The following EXOC2 variants were observed in gnomAD, a reference collection of about 807,000 sequenced individuals.
EXOC2 encodes the protein exocyst complex component 2.
A neutral mutation model predicts 131.8 loss-of-function variants in EXOC2; 70 were observed. The observed-to-expected ratio is 0.53, with a 90% CI of 0.44 to 0.65. The LOEUF (loss-of-function observed/expected upper bound fraction) is 0.65. Among genes scored for constraint, EXOC2 ranks in the 30% least tolerant of loss-of-function variants. The pLI, the probability that EXOC2 is intolerant of heterozygous loss-of-function variation, is 0.00. For synonymous variants in EXOC2, 411 were observed against 398.4 expected (o/e 1.03, Z -0.38); for missense variants, 923 against 1,108.6 (o/e 0.83, Z 2.38).
chr6:619,343 C>G, intron 5 of EXOC2, 87 bp downstream of exon 5: 1 of 1,064,722 alleles, frequency 9.4e-7, no homozygotes, highest in South Asian at 1.4e-5. Flanking sequence ...GTATGCAGAG[C>G]CAGACCTAAA....
chr6:570,335 G>A (rs1436594986), intron 13 of EXOC2, among the ~76,000 whole-genome samples: 1 of 152,020 alleles, frequency 6.6e-6, no homozygotes, highest in Non-Finnish European at 1.5e-5. Context: ...GGGTTTCACC[G>A]TGTCAGCCAG....
chr6:556,655 C>CA, intron 17 of EXOC2, 91 bp from the exon 18 acceptor site: 1 of 1,345,914 alleles, frequency 7.4e-7, no homozygotes, highest in Non-Finnish European at 1.1e-6. Flanking sequence ...CCAAGCCCCA[C>CA]ATTTTCCAGA....
intron 23 of EXOC2, among the ~76,000 whole-genome samples, chr6:516,336 A>T (rs1030819955): frequency 6.6e-6 from 1 of 152,168 alleles, no homozygotes; most frequent in African/African-American, 2.4e-5. Context: ...CCACGCGTAC[A>T]TGAAGATGAT....
At chr6:640,902 C>T (rs867881817) in intron 1 of EXOC2, among the ~76,000 whole-genome samples, 18 of 151,592 alleles carry the variant, frequency 1.2e-4, no homozygotes, top group African/African-American at 4.4e-4. Context: ...AAAAAAACTT[C>T]GAAATCATTC....
At chr6:691,214 T>C (rs1322026209) in intron 1 of EXOC2, among the ~76,000 whole-genome samples, 3 of 152,238 alleles carry the variant, frequency 2.0e-5, no homozygotes, top group Non-Finnish European at 2.9e-5. Flanking sequence ...GATTCTTACA[T>C]AATGGGCTCC....
chr6:489,506 C>T (rs1763297317), intron 26 of EXOC2, among the ~76,000 whole-genome samples: 1 of 152,144 alleles, frequency 6.6e-6, no homozygotes, highest in Non-Finnish European at 1.5e-5. Flanking sequence ...TTACAGTCTA[C>T]TTAAAACTTG....
chr6:594,676 A>C (rs1414004928), intron 10 of EXOC2, among the ~76,000 whole-genome samples: 1 of 152,224 alleles, frequency 6.6e-6, no homozygotes, highest in African/African-American at 2.4e-5. Context: ...TAATAACAAA[A>C]GACTTTTTCT....
chr6:665,136 A>G lies in EXOC2; in HGVS notation c.-43-27275T>C, dbSNP rs13328270. ...AATGGGCTAAGGACATGAATAGGCA[A>G]CTCTCAAAAGAAGATATACAAATGG... On this transcript the variant is annotated intron_variant, in intron 1 of 27. Coordinates refer to ENST00000230449, the MANE Select transcript of EXOC2 (RefSeq NM_018303.6). 2.2e-3 allele frequency among the ~76,000 whole-genome samples: 342 copies of G among 152,318 alleles called. 1 individual carries two copies. Among genetic ancestry groups the G allele is most frequent in the African/African-American group, 8.0e-3 (334 of 41,576 alleles).
rs1047180934 is a variant in EXOC2, at chr6:525,770, T to C, written c.2380+6699A>G. 3.3e-5 allele frequency among the ~76,000 whole-genome samples: 5 copies of C among 152,204 alleles called. No individual in the cohort carries two copies. In the East Asian group the frequency reaches 9.6e-4, roughly 29 times the overall value. The stretch of plus-strand genomic sequence containing the variant: ...TCAAGATATGTGTATACATGTCAAA[T>C]TGTACATATGAAATAGATACATTGT... On this transcript the variant is annotated intron_variant, in intron 23 of 27. Coordinates refer to ENST00000230449, the MANE Select transcript of EXOC2 (RefSeq NM_018303.6).
chr6:499,133 T>C (rs920253212), intron 24 of EXOC2, among the ~76,000 whole-genome samples: 1 of 152,170 alleles, frequency 6.6e-6, no homozygotes, highest in Non-Finnish European at 1.5e-5. Flanking sequence ...ACTGTCTGCA[T>C]GACCCTAAGT....
At chr6:616,710 T>C (rs1761031950) in intron 6 of EXOC2, among the ~76,000 whole-genome samples, 1 of 151,580 alleles carries the variant, frequency 6.6e-6, no homozygotes. Context: ...TAAGTATATA[T>C]GGCACAGGAA....
intron 11 of EXOC2, among the ~76,000 whole-genome samples, chr6:581,619 C>G (rs1279424204): frequency 6.6e-6 from 1 of 152,032 alleles, no homozygotes; most frequent in East Asian, 1.9e-4. Flanking sequence ...AATAAATATT[C>G]TTAGGATCTA....
At chr6:537,993 T>C (rs543822182) in intron 22 of EXOC2, among the ~76,000 whole-genome samples, 36 of 152,290 alleles carry the variant, frequency 2.4e-4, no homozygotes, top group African/African-American at 8.4e-4. Context: ...CGTGTGCATA[T>C]GTAAAAAGCC....
chr6:597,779 T>C (rs1759899510), intron 10 of EXOC2, among the ~76,000 whole-genome samples: 1 of 152,196 alleles, frequency 6.6e-6, no homozygotes. Flanking sequence ...CTACTTTTCC[T>C]TTCCCGAAAA....
At chr6:631,465 G>C (rs1761852004) in intron 3 of EXOC2, among the ~76,000 whole-genome samples, 1 of 152,068 alleles carries the variant, frequency 6.6e-6, no homozygotes, top group South Asian at 2.1e-4. Flanking sequence ...TTGAACCTGG[G>C]AGGCGGAGGT....
intron 23 of EXOC2, among the ~76,000 whole-genome samples, chr6:504,565 A>G (rs781244132): frequency 6.6e-6 from 1 of 152,172 alleles, no homozygotes; most frequent in Non-Finnish European, 1.5e-5. Flanking sequence ...AGTGCTTGAT[A>G]ATTCCTTTTA....
chr6:549,487 T>G (rs534074636), intron 21 of EXOC2, among the ~76,000 whole-genome samples, 196 bp from the exon 22 acceptor site: 1 of 152,348 alleles, frequency 6.6e-6, no homozygotes, highest in Non-Finnish European at 1.5e-5. Flanking sequence ...ACTATTTGCT[T>G]ATAATTACAT....
intron 23 of EXOC2, among the ~76,000 whole-genome samples, chr6:527,552 T>C (rs916591737): frequency 1.3e-5 from 2 of 152,258 alleles, no homozygotes; most frequent in African/African-American, 4.8e-5. Flanking sequence ...CGCTCACTGA[T>C]GGACTGTGCA....
intron 25 of EXOC2, among the ~76,000 whole-genome samples, chr6:494,754 G>A (rs898926374): frequency 1.1e-4 from 17 of 152,184 alleles, no homozygotes; most frequent in Non-Finnish European, 1.9e-4. Context: ...GGGATTCACT[G>A]TGCTGTATCA....
Sources: allele counts gnomAD v4.1 joint callset (sites outside exome capture counted in the v4.1 genomes callset), GRCh38; gene constraint gnomAD v4.1.1; transcripts MANE v1.5; gene names NCBI Gene and HGNC (gene_info 2026-07-23, HGNC 2026-07-21).